Variants in MIPEP observed in about 807,000 individuals in gnomAD.
MIPEP encodes the protein mitochondrial intermediate peptidase.
A neutral mutation model predicts 90.3 loss-of-function variants in MIPEP; 79 were observed. That is an observed-to-expected ratio of 0.87 (90% CI 0.73 to 1.05). MIPEP has a LOEUF of 1.05. Among genes scored for constraint, MIPEP ranks in the 50% least tolerant of loss-of-function variants. MIPEP has a pLI of 0.00. For synonymous variants in MIPEP, 334 were observed against 315.8 expected, an observed-to-expected ratio of 1.06 and a Z score of -0.61; for missense variants, 940 against 905.6, an observed-to-expected ratio of 1.04 and a Z score of -0.49.
Position 23,797,359 on chromosome 13 carries a change from G to C in MIPEP, c.1848+8591C>G, listed in dbSNP as rs1443112773. On this transcript the variant is annotated intron_variant, in intron 16 of 18. Transcript: ENST00000382172. ...GGCCCAACACTGTTCATCTCCACTT[G>C]GATATTCTACAGTCACATCAAATGA... 2.6e-5 allele frequency among the ~76,000 whole-genome samples: 4 copies of C among 152,074 alleles called. No homozygotes were observed. In the East Asian group the frequency reaches 7.7e-4, roughly 29 times the overall value.
At position 23,869,691 on chromosome 13, in the gene MIPEP, G is replaced by A. The variant is rs112358930; in HGVS notation, c.787-243C>T. 6.1e-3 allele frequency among the ~76,000 whole-genome samples: 932 copies of A among 152,282 alleles called. 6 individuals carry two copies. Among genetic ancestry groups the A allele is most frequent in the African/African-American group, 0.016 (666 of 41,562 alleles). On this transcript the variant is annotated intron_variant, in intron 6 of 18. Coordinates refer to ENST00000382172, the MANE Select transcript of MIPEP (RefSeq NM_005932.4). ...GGTGGGGCAAACCTCTACCCAGTGC[G>A]TGGATCTCTATGCTATAAAGCGTCT... is the stretch of plus-strand genomic sequence containing the variant.
At chr13:23,885,808 C>T (rs1046590837) in intron 2 of MIPEP, among the ~76,000 whole-genome samples, 15 of 149,722 alleles carry the variant, frequency 1.0e-4, no homozygotes, top group Non-Finnish European at 1.6e-4. Flanking sequence ...AAAGAAGTGG[C>T]TCACACTTAT....
Position 23,874,917 on chromosome 13 carries a change from T to C in MIPEP, c.540-8A>G, listed in dbSNP as rs200156617. The C allele has an allele frequency of 1.3e-6, 2 of 1,595,968 alleles. No individual in the cohort carries two copies. Among genetic ancestry groups the C allele is most frequent in the African/African-American group, 2.7e-5 (2 of 73,664 alleles). On this transcript the variant is annotated splice_polypyrimidine_tract_variant and splice_region_variant and intron_variant, in intron 4 of 18. Coordinates refer to ENST00000382172, the MANE Select transcript of MIPEP (RefSeq NM_005932.4). ...AACAGTTCAGCCACTCGCCTATAAA[T>C]GAAATGAGCCCCAGGTTATAACAGG...
At chr13:23,785,624 T>TAAAAAAAAAAAAAAAAAAAAAAAAAA in intron 16 of MIPEP, among the ~76,000 whole-genome samples, 1 of 119,272 alleles carries the variant, frequency 8.4e-6, no homozygotes. Context: ...TAAAGTATAA[T>TAAAAAAAAAAAAAAAAAAAAAAAAAA]AAAAAAAAAA....
rs754673931 is a variant in MIPEP, at chr13:23,886,511, G to C, written c.190-5C>G. The C allele has an allele frequency of 3.2e-6, 5 of 1,553,434 alleles. No homozygotes were observed. The highest frequency in any genetic ancestry group is 4.3e-6 in the Non-Finnish European group (5 of 1,151,424). ...CTCAGGAACTCCAAAAAGACCCTTAGAACCAAAGAATACGTCTGATTTATA... is the reference window on the plus strand; with the variant it reads ...CTCAGGAACTCCAAAAAGACCCTTACAACCAAAGAATACGTCTGATTTATA... On this transcript the variant is annotated splice_region_variant and splice_polypyrimidine_tract_variant and intron_variant, in intron 1 of 18. Coordinates refer to ENST00000382172, the MANE Select transcript of MIPEP (RefSeq NM_005932.4).
At chr13:23,767,840 C>A (rs1006200109) in intron 16 of MIPEP, among the ~76,000 whole-genome samples, 1 of 152,126 alleles carries the variant, frequency 6.6e-6, no homozygotes, top group East Asian at 1.9e-4. Flanking sequence ...TTGCCCAAGG[C>A]TACTGGCAGA....
At chr13:23,748,116 C>A (rs978716074) in intron 18 of MIPEP, among the ~76,000 whole-genome samples, 1 of 152,174 alleles carries the variant, frequency 6.6e-6, no homozygotes, top group Non-Finnish European at 1.5e-5. Flanking sequence ...TCTTGGCTCA[C>A]TGCAACCTCC....
At chr13:23,771,148 C>T (rs1264921430) in intron 16 of MIPEP, among the ~76,000 whole-genome samples, 1 of 152,166 alleles carries the variant, frequency 6.6e-6, no homozygotes, top group African/African-American at 2.4e-5. Flanking sequence ...GCTGCACAGC[C>T]AACACCAGAT....
chr13:23,851,495 A>G (rs1420840279), intron 10 of MIPEP, among the ~76,000 whole-genome samples: 4 of 152,198 alleles, frequency 2.6e-5, no homozygotes, highest in African/African-American at 9.6e-5. Context: ...AAGACTATCA[A>G]TGGGTGTTAA....
chr13:23,843,386 T>C (rs1050028456), intron 10 of MIPEP, among the ~76,000 whole-genome samples: 1 of 152,218 alleles, frequency 6.6e-6, no homozygotes, highest in Non-Finnish European at 1.5e-5. Flanking sequence ...CCATGCACCA[T>C]AGGCCATGGC....
rs1170557603 is a variant in MIPEP at position 23,885,835 on chromosome 13, G to T, written c.363+498C>A. ...CACACTTATAATCCCAGCACTTTGG[G>T]AGGCCGAGGCAGGAGGTTCACTTGG... On this transcript the variant is annotated intron_variant, in intron 2 of 18. Coordinates refer to ENST00000382172, the MANE Select transcript of MIPEP (RefSeq NM_005932.4). Among the ~76,000 whole-genome samples the T allele has an allele frequency of 2.6e-5, 4 of 151,126 alleles. No individual in the cohort carries two copies. In the East Asian group the frequency reaches 7.8e-4, roughly 29 times the overall value.
At chr13:23,843,630 G>C (rs1273250731) in intron 10 of MIPEP, among the ~76,000 whole-genome samples, 3 of 152,178 alleles carry the variant, frequency 2.0e-5, no homozygotes, top group Non-Finnish European at 4.4e-5. Context: ...GCTTCTGTAG[G>C]CCATAGGGGA....
chr13:23,806,538 C>T (rs1182220282), intron 15 of MIPEP, among the ~76,000 whole-genome samples: 6 of 151,940 alleles, frequency 3.9e-5, no homozygotes, highest in African/African-American at 1.2e-4. Flanking sequence ...ATTAGACAGG[C>T]GTGGTGGCAG....
intron 18 of MIPEP, among the ~76,000 whole-genome samples, chr13:23,738,605 G>A (rs1247626878): frequency 6.6e-6 from 1 of 150,952 alleles, no homozygotes; most frequent in African/African-American, 2.4e-5. Context: ...GCACCACCAC[G>A]CCCAGCTAGT....
At chr13:23,790,227 C>T (rs1269767471) in intron 16 of MIPEP, among the ~76,000 whole-genome samples, 1 of 152,180 alleles carries the variant, frequency 6.6e-6, no homozygotes, top group Non-Finnish European at 1.5e-5. Flanking sequence ...CCTCTTTACC[C>T]TTCACTACTG....
At chr13:23,782,281 A>G (rs1480921935) in intron 16 of MIPEP, among the ~76,000 whole-genome samples, 2 of 152,250 alleles carry the variant, frequency 1.3e-5, no homozygotes, top group African/African-American at 2.4e-5. Flanking sequence ...CAATCAAACT[A>G]GAACTCAGGA....
intron 18 of MIPEP, among the ~76,000 whole-genome samples, chr13:23,734,941 G>A (rs1952244690): frequency 6.6e-6 from 1 of 152,152 alleles, no homozygotes; most frequent in South Asian, 2.1e-4. Context: ...TTAAAGCCAG[G>A]CCAGTTACCC....
At chr13:23,791,783 A>T (rs1426561924) in intron 16 of MIPEP, among the ~76,000 whole-genome samples, 1 of 152,186 alleles carries the variant, frequency 6.6e-6, no homozygotes, top group African/African-American at 2.4e-5. Flanking sequence ...TCTTGCAGGA[A>T]AACACCAGAA....
intron 10 of MIPEP, among the ~76,000 whole-genome samples, chr13:23,852,512 A>G (rs2137483646): frequency 6.6e-6 from 1 of 152,030 alleles, no homozygotes; most frequent in East Asian, 1.9e-4. Context: ...AAAAATTTCT[A>G]TCACCTAGTA....
Sources: gnomAD v4.1 joint callset for allele counts (sites outside exome capture counted in the v4.1 genomes callset) on GRCh38, gnomAD v4.1.1 for gene constraint, MANE v1.5 for transcripts, NCBI Gene and HGNC (gene_info 2026-07-23, HGNC 2026-07-21) for gene names.